Variants in FAXC observed in about 807,000 individuals in gnomAD.
FAXC encodes the protein failed axon connections homolog, metaxin like GST domain containing.
Under a neutral mutation model 41.9 loss-of-function variants are expected in FAXC, and 10 were observed. The ratio of observed to expected loss-of-function variants is 0.24; its 90% CI spans 0.15 to 0.41. The LOEUF (loss-of-function observed/expected upper bound fraction) is 0.41, where lower values mean the gene tolerates loss of function less well. FAXC is among the 10% of genes least tolerant of loss of function. FAXC has a pLI of 1.00. For synonymous variants in FAXC, 183 were observed against 183.8 expected (o/e 1.00, Z 0.03); for missense variants, 399 against 510.9 (o/e 0.78, Z 2.11).
chr6:99,275,128 C>T lies in FAXC; in HGVS notation c.*6036G>A, dbSNP rs944971085. ...ACTAATAAGTGAAAGTTACTCTATT[C>T]CAGAGCCACAAATAAAAACAAATAA... On this transcript the variant is annotated 3_prime_UTR_variant, in exon 6 of 6. Coordinates refer to ENST00000389677, the MANE Select transcript of FAXC (RefSeq NM_032511.4). 6.6e-6 allele frequency: 1 copy of T among 152,024 alleles called. No individual in the cohort carries two copies. Among genetic ancestry groups the T allele is most frequent in the Non-Finnish European group, 1.5e-5 (1 of 68,022 alleles). 9.4% of individuals were successfully genotyped at this position (152,024 alleles called of 1,614,324 possible).
At chr6:99,336,006 C>T (rs1484052742) in intron 2 of FAXC, among the ~76,000 whole-genome samples, 1 of 152,078 alleles carries the variant, frequency 6.6e-6, no homozygotes, top group Non-Finnish European at 1.5e-5. Flanking sequence ...ATTGGGAAGA[C>T]TATAGGTGAG....
At chr6:99,297,127 C>T (rs1244699728) in intron 4 of FAXC, among the ~76,000 whole-genome samples, 1 of 152,150 alleles carries the variant, frequency 6.6e-6, no homozygotes, top group Non-Finnish European at 1.5e-5. Context: ...ACTTGATTAA[C>T]CCAAGGCTGC....
rs1770457143 is a variant in FAXC, at chr6:99,272,680, T to G, written c.*8484A>C. 6.6e-6 allele frequency: 1 copy of G among 152,212 alleles called. No homozygotes were observed. The highest frequency in any genetic ancestry group is 2.4e-5 in the African/African-American group (1 of 41,458). 9.4% of individuals were successfully genotyped at this position (152,212 alleles called of 1,614,324 possible). On this transcript the variant is annotated 3_prime_UTR_variant, in exon 6 of 6. Coordinates refer to ENST00000389677, the MANE Select transcript of FAXC (RefSeq NM_032511.4). ...ACAGCATATTCCAGAGATCTGTTTT[T>G]CTTCTTAAAAGCCACTCACTTGAAA...
At chr6:99,308,207 G>A (rs6921857) in intron 4 of FAXC, among the ~76,000 whole-genome samples, 30,536 of 152,166 alleles carry the variant, frequency 0.2, 3,248 homozygotes, top group African/African-American at 0.23. Flanking sequence ...TGAGGCAGGA[G>A]AATTGCTTGA....
At chr6:99,323,386 A>G in intron 4 of FAXC, 58 bp downstream of exon 4, 2 of 1,442,720 alleles carry the variant, frequency 1.4e-6, no homozygotes, top group Non-Finnish European at 1.9e-6. Context: ...ACAGTGTTTT[A>G]CTAATCATGC....
At chr6:99,318,576 G>T (rs1772464569) in intron 4 of FAXC, among the ~76,000 whole-genome samples, 1 of 152,062 alleles carries the variant, frequency 6.6e-6, no homozygotes, top group Non-Finnish European at 1.5e-5. Flanking sequence ...TTGTTATAAA[G>T]ACATTTTTCC....
intron 5 of FAXC, among the ~76,000 whole-genome samples, chr6:99,285,631 T>C (rs1771004013): frequency 1.3e-5 from 2 of 152,238 alleles, no homozygotes; most frequent in Admixed American, 6.5e-5. Flanking sequence ...TAATTCAACT[T>C]ACTGTAACCA....
At chr6:99,315,905 T>A (rs966753132) in intron 4 of FAXC, among the ~76,000 whole-genome samples, 1 of 149,166 alleles carries the variant, frequency 6.7e-6, no homozygotes, top group Non-Finnish European at 1.5e-5. Context: ...TCTATATGAC[T>A]GTATCTCCCA....
At chr6:99,302,850 A>G (rs958021486) in intron 4 of FAXC, among the ~76,000 whole-genome samples, 1 of 151,862 alleles carries the variant, frequency 6.6e-6, no homozygotes, top group African/African-American at 2.4e-5. Context: ...AAATGTCATG[A>G]TATCTGTAAT....
rs1770557722 is a variant in FAXC, at chr6:99,275,261, G to A, written c.*5903C>T. On this transcript the variant is annotated 3_prime_UTR_variant, in exon 6 of 6. Coordinates refer to ENST00000389677, the MANE Select transcript of FAXC (RefSeq NM_032511.4). ...TATGATACACATATATTGCTTTATG[G>A]TTAGTGGATTGTTTCAAAAATGCAT... The A allele has an allele frequency of 6.6e-6, 1 of 152,092 alleles. No individual in the cohort carries two copies. Among genetic ancestry groups the A allele is most frequent in the South Asian group, 2.1e-4 (1 of 4,832 alleles). 9.4% of individuals were successfully genotyped at this position (152,092 alleles called of 1,614,324 possible). A position where few individuals can be genotyped will look rare whatever the true frequency, so the allele number is the denominator to read the frequency against.
At chr6:99,348,499 C>G (rs544046371) in intron 1 of FAXC, among the ~76,000 whole-genome samples, 35 of 152,306 alleles carry the variant, frequency 2.3e-4, no homozygotes, top group African/African-American at 8.4e-4. Flanking sequence ...CTAGCCTGTC[C>G]TACTGCTCAC....
At chr6:99,295,190 T>G (rs1399029908) in intron 4 of FAXC, among the ~76,000 whole-genome samples, 1 of 152,206 alleles carries the variant, frequency 6.6e-6, no homozygotes, top group Non-Finnish European at 1.5e-5. Context: ...CTGTGGAAAA[T>G]GCTGAGTGGC....
chr6:99,331,935 C>T (rs1186276214), intron 3 of FAXC, among the ~76,000 whole-genome samples: 1 of 152,214 alleles, frequency 6.6e-6, no homozygotes, highest in Non-Finnish European at 1.5e-5. Flanking sequence ...TGCTGCACAC[C>T]TTGGGAGGGG....
At chr6:99,338,205 G>A (rs1452256538) in intron 2 of FAXC, among the ~76,000 whole-genome samples, 2 of 152,004 alleles carry the variant, frequency 1.3e-5, no homozygotes, top group Non-Finnish European at 2.9e-5. Flanking sequence ...AGACTTCACA[G>A]AAGAAAAACA....
intron 3 of FAXC, among the ~76,000 whole-genome samples, chr6:99,324,578 C>T (rs1156769178): frequency 1.3e-5 from 2 of 152,172 alleles, no homozygotes; most frequent in African/African-American, 2.4e-5. Context: ...CTTGCTCATT[C>T]GGGTGCTCCT....
chr6:99,281,414 C>T lies in FAXC; in HGVS notation c.980G>A (p.Arg327Lys). The T allele has an allele frequency of 6.2e-7, 1 of 1,614,144 alleles. No homozygotes were observed. Among genetic ancestry groups the T allele is most frequent in the Non-Finnish European group, 8.5e-7 (1 of 1,179,984 alleles). Residue 327 changes from arginine (R) to lysine (K), a missense_variant, in exon 6 of 6, where the codon AGG becomes AAG. Arg to Lys is a conservative substitution (Grantham distance 26). This residue lies in a region of FAXC where 239 missense variants were observed against 352.7 expected (regional missense o/e 0.68). Coordinates refer to ENST00000389677, the MANE Select transcript of FAXC (RefSeq NM_032511.4). ...GTGCCACTCTGGCCAAAATTTCCTC[C>T]TTATCCTCTCACAGTACATGGCAAG... is the stretch of plus-strand genomic sequence containing the variant. ...INLAMYCERI[R>K]RKFWPEWHHD... is the part of the protein sequence containing the mutation.
Position 99,323,534 on chromosome 6 carries a change from C to T in FAXC, c.733G>A (p.Glu245Lys). The change falls in exon 4 of 6, where the codon GAG becomes AAG. Residue 245 changes from glutamate to lysine, a missense_variant. By Grantham distance (56) the Glu-to-Lys change is moderately conservative. Coordinates refer to ENST00000389677, the MANE Select transcript of FAXC (RefSeq NM_032511.4). ...CHITKGIVKR[E>K]MHGHGIGRFS... ...CGGCCAATGCCGTGGCCGTGCATCTCGCGTTTCACAATTCCTTTCGTTATG... is the reference window on the plus strand; with the variant it reads ...CGGCCAATGCCGTGGCCGTGCATCTTGCGTTTCACAATTCCTTTCGTTATG... 1.2e-6 allele frequency: 2 copies of T among 1,614,198 alleles called. No homozygotes were observed. The highest frequency in any genetic ancestry group is 2.2e-5 in the East Asian group (1 of 44,888).
chr6:99,290,559 G>T (rs931629550), intron 5 of FAXC, among the ~76,000 whole-genome samples: 1 of 151,390 alleles, frequency 6.6e-6, no homozygotes, highest in Non-Finnish European at 1.5e-5. Flanking sequence ...AAAATTAGCC[G>T]GGCATGGTGT....
At chr6:99,311,842 T>C (rs926049881) in intron 4 of FAXC, among the ~76,000 whole-genome samples, 32 of 152,254 alleles carry the variant, frequency 2.1e-4, no homozygotes, top group African/African-American at 7.5e-4. Context: ...CTCACCTTCC[T>C]CTCTGTCTCT....
Sources: allele counts gnomAD v4.1 joint callset (sites outside exome capture counted in the v4.1 genomes callset), GRCh38; gene constraint gnomAD v4.1.1; regional missense constraint gnomAD v4.1.1; transcripts MANE v1.5; gene names NCBI Gene and HGNC (gene_info 2026-07-23, HGNC 2026-07-21).